Variants in SERPINE3 observed in about 807,000 individuals in gnomAD.
SERPINE3 encodes serpin family E member 3, also known as serpin E3.
In SERPINE3, 43 loss-of-function variants were observed where a neutral mutation model predicts 41.7. The ratio of observed to expected loss-of-function variants is 1.03; its 90% CI spans 0.81 to 1.33. The LOEUF (loss-of-function observed/expected upper bound fraction) is 1.33, where lower values mean the gene tolerates loss of function less well. SERPINE3 is among the 40% of genes most tolerant of loss of function. SERPINE3 has a pLI of 0.00. For synonymous variants in SERPINE3, 200 were observed against 192.2 expected (o/e 1.04, Z -0.34); for missense variants, 440 against 491.7 (o/e 0.89, Z 0.99).
chr13:51,362,128 T>G lies in SERPINE3; in HGVS notation c.1171+235T>G, dbSNP rs1009122066. 4.5e-6 allele frequency: 6 copies of G among 1,333,646 alleles called. No homozygotes were observed. In the African/African-American group the frequency reaches 6.2e-5, roughly 14 times the overall value. The allele number at this position is 1,333,646 out of a possible 1,614,324, so 82.6% of individuals were successfully genotyped here. ...TCTCATTCTCTCAGCTCATATATAG[T>G]TAATGTAGATTTTTTTTTTTAATGC... On this transcript the variant is annotated intron_variant, in intron 9 of 9. Coordinates refer to ENST00000681248, the MANE Select transcript of SERPINE3 (RefSeq NM_001386375.1).
intron 4 of SERPINE3, among the ~76,000 whole-genome samples, chr13:51,344,832 C>G (rs1955330467): frequency 6.6e-6 from 1 of 152,188 alleles, no homozygotes; most frequent in Admixed American, 6.5e-5. Flanking sequence ...GCTCTGCTCT[C>G]ATTTATAATA....
At chr13:51,349,774 A>G (rs748885891) in intron 6 of SERPINE3, among the ~76,000 whole-genome samples, 11 of 152,210 alleles carry the variant, frequency 7.2e-5, no homozygotes. Context: ...CAAGGCAGAA[A>G]TCTTAGTAAC....
chr13:51,344,281 G>A lies in SERPINE3; in HGVS notation c.286G>A (p.Val96Ile). The change falls in exon 4 of 10, where the codon GTT becomes ATT. Residue 96 changes from valine to isoleucine, a missense_variant. Coordinates refer to ENST00000681248, the MANE Select transcript of SERPINE3 (RefSeq NM_001386375.1). ...AAGGGTGAAAGATTTCTTGCATGCTGTTTATGCCACACTACCCACCTCCAG... is the reference window on the plus strand; with the variant it reads ...AAGGGTGAAAGATTTCTTGCATGCTATTTATGCCACACTACCCACCTCCAG... Reference protein sequence around the residue: ...DKRVKDFLHAVYATLPTSSQG... With the variant: ...DKRVKDFLHAIYATLPTSSQG... 4 of 1,613,978 alleles carry A rather than the reference G, an allele frequency of 2.5e-6. No homozygotes were observed. The highest frequency in any genetic ancestry group is 1.7e-6 in the Non-Finnish European group (2 of 1,179,884).
intron 4 of SERPINE3, among the ~76,000 whole-genome samples, chr13:51,346,090 G>A (rs998198047): frequency 2.0e-5 from 3 of 152,204 alleles, no homozygotes; most frequent in African/African-American, 7.2e-5. Context: ...AGAACTGTTA[G>A]GAGGAGTCGG....
chr13:51,348,109 T>G, intron 5 of SERPINE3, 104 bp from the exon 6 acceptor site: 1 of 849,824 alleles, frequency 1.2e-6, no homozygotes, highest in Non-Finnish European at 1.8e-6. Flanking sequence ...GATGCTCGGT[T>G]TTATTGTTTC....
chr13:51,350,268 C>T (rs1369911987), intron 6 of SERPINE3, among the ~76,000 whole-genome samples: 6 of 152,006 alleles, frequency 3.9e-5, no homozygotes, highest in Admixed American at 2.0e-4. Context: ...TCCAAAGTAA[C>T]CTTTTATTTA....
chr13:51,349,939 C>T (rs1158112061), intron 6 of SERPINE3, among the ~76,000 whole-genome samples: 1 of 152,036 alleles, frequency 6.6e-6, no homozygotes, highest in Non-Finnish European at 1.5e-5. Context: ...TGTTTTTAAG[C>T]TAGCTTTAAA....
intron 2 of SERPINE3, 28 bp from the exon 3 acceptor site, chr13:51,341,047 C>T: frequency 1.3e-6 from 2 of 1,598,132 alleles, no homozygotes; most frequent in African/African-American, 1.3e-5. Context: ...TTCCAGCCTA[C>T]CCTGCATCTC....
intron 3 of SERPINE3, among the ~76,000 whole-genome samples, 162 bp from the exon 4 acceptor site, chr13:51,344,090 C>G (rs1331357502): frequency 6.6e-6 from 1 of 152,170 alleles, no homozygotes; most frequent in African/African-American, 2.4e-5. Flanking sequence ...TTTCTGAGCA[C>G]ATTAGCTATG....
Position 51,361,893 on chromosome 13 carries a change from G to C in SERPINE3, c.1171G>C (p.Gly391Arg), listed in dbSNP as rs1955585072. 6.2e-7 allele frequency: 1 copy of C among 1,611,374 alleles called. No homozygotes were observed. Among genetic ancestry groups the C allele is most frequent in the African/African-American group, 1.3e-5 (1 of 74,670 alleles). The change falls in exon 9 of 10, where the codon GGG becomes CGG. Residue 391 changes from glycine to arginine, a missense_variant and splice_region_variant. Coordinates refer to ENST00000681248, the MANE Select transcript of SERPINE3 (RefSeq NM_001386375.1). ...FIYFLREPNT[G>R]FVFSIGRVSN... ...CTATTTCCTGAGAGAACCTAACACA[G>C]GTATTACAGTATTTTTTGACAGGAT...
rs759856220 is a variant in SERPINE3 at position 51,347,040 on chromosome 13, A to AG, written c.509dup (p.Gly172TrpfsTer94). 1.5e-4 allele frequency: 230 copies of AG among 1,584,598 alleles called. No homozygotes were observed. The highest frequency in any genetic ancestry group is 1.8e-4 in the Non-Finnish European group (215 of 1,164,898). On this transcript the variant is annotated frameshift_variant, in exon 5 of 10. Transcript: ENST00000681248. LOFTEE classifies it high-confidence loss of function. ...CTGCTTGCAGGTGGGGGCCCCAGTG[A>AG]GGGCCCTGGTGGCTGGCCGTGGGAG...
At chr13:51,361,200 ATT>A in intron 7 of SERPINE3, 76 bp from the exon 8 acceptor site, 2 of 942,414 alleles carry the variant, frequency 2.1e-6, no homozygotes, top group South Asian at 2.9e-5. Context: ...TTGTAAGTAC[ATT>A]TTTAAAGAAT....
chr13:51,347,170 C>G lies in SERPINE3; in HGVS notation c.636C>G (p.Phe212Leu), dbSNP rs1382037858. 1 of 1,614,012 alleles carries G rather than the reference C, an allele frequency of 6.2e-7. No individual in the cohort carries two copies. Among genetic ancestry groups the G allele is most frequent in the East Asian group, 2.2e-5 (1 of 44,880 alleles). The change falls in exon 5 of 10, where the codon TTC (phenylalanine) becomes TTG (leucine). Residue 212 changes from phenylalanine (F) to leucine (L), a missense_variant. By Grantham distance (22) the Phe-to-Leu change is conservative (BLOSUM62 0). Transcript: ENST00000681248. ...CCACAGACACACAGATCCTGCCTTT[C>G]ACCTGTGCCTATGGCCTCGTCCTTC... Reference protein sequence around the residue: ...FSSTDTQILPFTCAYGLVLQV... With the variant: ...FSSTDTQILPLTCAYGLVLQV...
At chr13:51,340,886 A>G (rs1045113379) in intron 2 of SERPINE3, 25 bp downstream of exon 2, 13 of 598,942 alleles carry the variant, frequency 2.2e-5, no homozygotes, top group South Asian at 1.4e-4. Flanking sequence ...TGCTGAAACA[A>G]GAGGGTGCAG....
chr13:51,364,535 C>A lies in SERPINE3; in HGVS notation c.*253C>A, dbSNP rs2137842749. On this transcript the variant is annotated 3_prime_UTR_variant, in exon 10 of 10. Coordinates refer to ENST00000681248, the MANE Select transcript of SERPINE3 (RefSeq NM_001386375.1). ...AACCACTAAAAGGCACAGCAGTGAT[C>A]ATGAATGGTGAGTGAGTCAGGCCAT... 1 of 360,296 alleles carries A rather than the reference C, an allele frequency of 2.8e-6. No homozygotes were observed. The highest frequency in any genetic ancestry group is 4.7e-5 in the East Asian group (1 of 21,158). 22.3% of individuals were successfully genotyped at this position (360,296 alleles called of 1,614,324 possible).
At chr13:51,349,523 G>A (rs549436814) in intron 6 of SERPINE3, among the ~76,000 whole-genome samples, 1 of 152,324 alleles carries the variant, frequency 6.6e-6, no homozygotes, top group East Asian at 1.9e-4. Flanking sequence ...GGAAGGAAGA[G>A]CAGCGTTCCG....
intron 6 of SERPINE3, among the ~76,000 whole-genome samples, chr13:51,351,500 A>G (rs73492243): frequency 1.3e-5 from 2 of 152,134 alleles, no homozygotes; most frequent in African/African-American, 4.8e-5. Context: ...TCTTTTTATT[A>G]TTGAGTTGTA....
At chr13:51,363,225 A>G (rs2137836715) in intron 9 of SERPINE3, 1 of 152,084 alleles carries the variant, frequency 6.6e-6, no homozygotes, top group Non-Finnish European at 1.5e-5. Flanking sequence ...ACACACCACT[A>G]TTTCAATGGT....
intron 9 of SERPINE3, 80 bp downstream of exon 9, chr13:51,361,973 C>T (rs1955586799): frequency 6.2e-7 from 1 of 1,610,514 alleles, no homozygotes; most frequent in Non-Finnish European, 8.5e-7. Context: ...TCCACTATCC[C>T]CTCAAAAATA....
Sources: gnomAD v4.1 joint callset for allele counts (sites outside exome capture counted in the v4.1 genomes callset) on GRCh38, gnomAD v4.1.1 for gene constraint, MANE v1.5 for transcripts, NCBI Gene and HGNC (gene_info 2026-07-23, HGNC 2026-07-21) for gene names.